TBCD: variants seen among roughly 807,000 people sequenced by gnomAD.
TBCD encodes tubulin-specific chaperone D.
In TBCD, 105 loss-of-function variants were observed where a neutral mutation model predicts 169.3. The observed-to-expected ratio is 0.62, with a 90% CI of 0.53 to 0.73. The LOEUF (loss-of-function observed/expected upper bound fraction) is 0.73. TBCD is among the 30% of genes least tolerant of loss of function. TBCD has a pLI of 0.00. For synonymous variants in TBCD, 700 were observed against 643.9 expected (o/e 1.09, Z -1.32); for missense variants, 1,444 against 1,600.1 (o/e 0.90, Z 1.66).
chr17:82,881,946 T>C (rs1337876098), intron 14 of TBCD, among the ~76,000 whole-genome samples: 3 of 144,152 alleles, frequency 2.1e-5, no homozygotes, highest in Non-Finnish European at 4.6e-5. Flanking sequence ...CCCTCCCTCC[T>C]AGGCAGAGCC....
chr17:82,930,450 C>T lies in TBCD; in HGVS notation c.2992-72C>T, dbSNP rs754138974. 7.8e-5 allele frequency: 122 copies of T among 1,562,130 alleles called. No individual in the cohort carries two copies. The highest frequency in any genetic ancestry group is 2.2e-4 in the South Asian group (19 of 85,212). ...TTCTGCTCTTCAGCAGATGCTTGAC[C>T]GGCTGTAGCCAAGCCTGAGGGGTGG... is the stretch of plus-strand genomic sequence containing the variant. On this transcript the variant is annotated intron_variant, in intron 32 of 38. Coordinates refer to ENST00000355528, the MANE Select transcript of TBCD (RefSeq NM_005993.5). The surrounding 1 kb of genome is among the most constrained non-coding windows in gnomAD (Gnocchi z 5.2).
Position 82,903,595 on chromosome 17 carries a change from A to C in TBCD, c.1804+117A>C, listed in dbSNP as rs2060033024. On this transcript the variant is annotated intron_variant, in intron 19 of 38. Transcript: ENST00000355528. This position sits in a 1 kb window ranked among gnomAD's most constrained non-coding sequence, Gnocchi z 4.8. ...AGGTTGTGCTTCTGTCTTGGTGAGAAGCATCTGAGGAAAGAGCTGTGGACT... is the reference window on the plus strand; with the variant it reads ...AGGTTGTGCTTCTGTCTTGGTGAGACGCATCTGAGGAAAGAGCTGTGGACT... 1.9e-6 allele frequency: 2 copies of C among 1,072,022 alleles called. No individual in the cohort carries two copies. Among genetic ancestry groups the C allele is most frequent in the Admixed American group, 4.6e-5 (2 of 43,460 alleles). The allele number at this position is 1,072,022 out of a possible 1,614,324, so 66.4% of individuals were successfully genotyped here.
In TBCD at chr17:82,945,324, G is replaced by T. The variant is rs2063616788; in HGVS notation, c.*2861G>T. ...CTTTGGGTAATTGGGGTCTCAGAAT[G>T]AAATGAAATGATGCAGATATTCCAT... On this transcript the variant is annotated 3_prime_UTR_variant, in exon 39 of 39. Transcript: ENST00000355528. The T allele has an allele frequency of 6.6e-6, 1 of 152,350 alleles. No homozygotes were observed. The highest frequency in any genetic ancestry group is 2.1e-4 in the South Asian group (1 of 4,826). The allele number at this position is 152,350 out of a possible 1,614,324, so 9.4% of individuals were successfully genotyped here.
At chr17:82,883,849 T>C (rs1226825933) in intron 14 of TBCD, among the ~76,000 whole-genome samples, 2 of 152,254 alleles carry the variant, frequency 1.3e-5, no homozygotes, top group African/African-American at 4.8e-5. Flanking sequence ...AGGTGCGTTC[T>C]GCCCCCAGGC....
chr17:82,762,222 A>G (rs1355899578), intron 2 of TBCD, among the ~76,000 whole-genome samples: 1 of 149,224 alleles, frequency 6.7e-6, no homozygotes, highest in Non-Finnish European at 1.5e-5. Context: ...AGGCTGAGGC[A>G]GGAAAATTGC....
chr17:82,848,207 G>T (rs943446630), intron 13 of TBCD, among the ~76,000 whole-genome samples: 5 of 152,186 alleles, frequency 3.3e-5, no homozygotes, highest in Non-Finnish European at 5.9e-5. Context: ...GAGCGGCCTC[G>T]GAAATGGGGC....
In TBCD at chr17:82,943,217, T is replaced by C. The variant is rs1457509928; in HGVS notation, c.*754T>C. The C allele has an allele frequency of 2.0e-5, 3 of 152,184 alleles. No homozygotes were observed. The highest frequency in any genetic ancestry group is 4.8e-5 in the African/African-American group (2 of 41,428). 9.4% of individuals were successfully genotyped at this position (152,184 alleles called of 1,614,324 possible). A position where few individuals can be genotyped will look rare whatever the true frequency, so the allele number is the denominator to read the frequency against. ...CTGTCTTAGGAGAGCCTGGGCAGAG[T>C]CCACACTTGGGTTTTTAGGCAAAGG... On this transcript the variant is annotated 3_prime_UTR_variant, in exon 39 of 39. Transcript: ENST00000355528.
At chr17:82,939,254 GTCC>G (rs749994854) in intron 36 of TBCD, 110 bp from the exon 37 acceptor site, 6 of 820,260 alleles carry the variant, frequency 7.3e-6, no homozygotes, top group African/African-American at 3.4e-5. Context: ...CAGGGTCAGC[GTCC>G]TCCTCCTGAC....
At chr17:82,913,608 G>A (rs76374601) in intron 23 of TBCD, 13,024 of 152,442 alleles carry the variant, frequency 0.085, 1,453 homozygotes, top group African/African-American at 0.26. Context: ...GGAGTTGAAT[G>A]CGTTCCGAGT....
At chr17:82,781,296 TGGGGGGGTGGAGGGGGCAGGCG>T (rs2048929611) in intron 6 of TBCD, among the ~76,000 whole-genome samples, 1 of 2,182 alleles carries the variant, frequency 4.6e-4, no homozygotes, top group East Asian at 0.013. Flanking sequence ...CAGGTAAAAC[TGGGGGGGTGGAGGGGGCAGGCG>T]GGGGGGGATG....
intron 6 of TBCD, among the ~76,000 whole-genome samples, chr17:82,776,701 G>A (rs761852591): frequency 1.3e-5 from 2 of 152,122 alleles, no homozygotes; most frequent in Non-Finnish European, 2.9e-5. Context: ...ACCCGTTCTC[G>A]TGTCAGGATT....
chr17:82,830,007 GTTT>G, intron 13 of TBCD: 1 of 1,390,984 alleles, frequency 7.2e-7, no homozygotes, highest in Non-Finnish European at 9.8e-7. Context: ...TTGTTTGTTT[GTTT>G]GTTTGTTTTT....
chr17:82,919,503 C>T (rs2061284365), intron 23 of TBCD, among the ~76,000 whole-genome samples: 4 of 151,988 alleles, frequency 2.6e-5, no homozygotes, highest in East Asian at 1.9e-4. Context: ...CTGCCTGTGA[C>T]GAGGTAAAGG....
intron 9 of TBCD, among the ~76,000 whole-genome samples, chr17:82,805,613 C>T (rs543121258): frequency 3.4e-4 from 52 of 152,276 alleles, no homozygotes; most frequent in African/African-American, 1.2e-3. Context: ...TGCCTTCTCT[C>T]CTGACTTTCC....
intron 14 of TBCD, among the ~76,000 whole-genome samples, chr17:82,877,190 C>T (rs1453076842): frequency 1.3e-5 from 2 of 152,136 alleles, no homozygotes; most frequent in Non-Finnish European, 1.5e-5. Context: ...TAAAGGAAAC[C>T]AGAAATTCTT....
At chr17:82,795,543 G>A (rs757124998) in intron 7 of TBCD, 23 of 985,498 alleles carry the variant, frequency 2.3e-5, no homozygotes, top group Admixed American at 6.1e-5. Context: ...TCCAGCTGCT[G>A]TTGGAATCTG....
At position 82,831,716 on chromosome 17, in the gene TBCD, A is replaced by G. The variant is rs765993543; in HGVS notation, c.1318+16782A>G. On this transcript the variant is annotated intron_variant, in intron 13 of 38. Coordinates refer to ENST00000355528, the MANE Select transcript of TBCD (RefSeq NM_005993.5). The surrounding 1 kb of genome is among the most constrained non-coding windows in gnomAD (Gnocchi z 4.6). ...ATGGTGGCCAGCCCGTGCTCTGTGT[A>G]AAAGTGAGGCGGGTACTCTGGGATT... The G allele has an allele frequency of 1.2e-6, 2 of 1,614,118 alleles. No homozygotes were observed. Among genetic ancestry groups the G allele is most frequent in the Admixed American group, 3.3e-5 (2 of 60,018 alleles).
chr17:82,910,054 C>T (rs1241657308), intron 22 of TBCD, among the ~76,000 whole-genome samples: 2 of 152,262 alleles, frequency 1.3e-5, no homozygotes, highest in East Asian at 1.9e-4. Flanking sequence ...TATCCACTCA[C>T]CAGCCCAGGC....
rs1182708772 is a variant in TBCD, at chr17:82,930,026, G to A, written c.2992-496G>A. 3.7e-6 allele frequency: 1 copy of A among 269,668 alleles called. No individual in the cohort carries two copies. Among genetic ancestry groups the A allele is most frequent in the Non-Finnish European group, 7.2e-6 (1 of 138,106 alleles). 16.7% of individuals were successfully genotyped at this position (269,668 alleles called of 1,614,324 possible). ...GTGGCAACCCTGTGACAGCTGCTAAGTCCTAGAAAACACGTAACAGGACGT... is the reference window on the plus strand; with the variant it reads ...GTGGCAACCCTGTGACAGCTGCTAAATCCTAGAAAACACGTAACAGGACGT... On this transcript the variant is annotated intron_variant, in intron 32 of 38. Transcript: ENST00000355528. The surrounding 1 kb of genome is among the most constrained non-coding windows in gnomAD (Gnocchi z 5.2).
Sources: allele counts gnomAD v4.1 joint callset (sites outside exome capture counted in the v4.1 genomes callset), GRCh38; gene constraint gnomAD v4.1.1; non-coding constraint Gnocchi (gnomAD v3.1); transcripts MANE v1.5; gene names NCBI Gene and HGNC (gene_info 2026-07-23, HGNC 2026-07-21).